HECTD4: variants seen among roughly 807,000 people sequenced by gnomAD.
HECTD4 encodes the protein probable E3 ubiquitin-protein ligase HECTD4.
A neutral mutation model predicts 471.5 loss-of-function variants in HECTD4; 114 were observed. The ratio of observed to expected loss-of-function variants is 0.24; its 90% CI spans 0.21 to 0.28. The LOEUF is 0.28. HECTD4 is among the 10% of genes least tolerant of loss of function. The pLI, the probability that HECTD4 is intolerant of heterozygous loss-of-function variation, is 1.00. For synonymous variants in HECTD4, 2,012 were observed against 2,256.0 expected, an observed-to-expected ratio of 0.89 and a Z score of 3.07; for missense variants, 3,866 against 5,651.5, an observed-to-expected ratio of 0.68 and a Z score of 10.13.
At chr12:112,380,003 T>C (rs1447035231) in intron 1 of HECTD4, among the ~76,000 whole-genome samples, 1 of 151,868 alleles carries the variant, frequency 6.6e-6, no homozygotes, top group Non-Finnish European at 1.5e-5. Flanking sequence ...AGCTGACAAA[T>C]TCACGCAATA....
Position 112,179,165 on chromosome 12 carries a change from G to A in HECTD4, c.11211+9C>T. 6.2e-7 allele frequency: 1 copy of A among 1,613,522 alleles called. No individual in the cohort carries two copies. Among genetic ancestry groups the A allele is most frequent in the Non-Finnish European group, 8.5e-7 (1 of 1,179,702 alleles). On this transcript the variant is annotated intron_variant, in intron 63 of 75. Transcript: ENST00000682272. The surrounding 1 kb of genome is among the most constrained non-coding windows in gnomAD (Gnocchi z 4.3). The stretch of plus-strand genomic sequence containing the variant: ...GCCCGGCCTGGGTATGGTGGGGACG[G>A]GCAGCTACCTGGGTGAGCTGATCCT...
rs1451758640 is a variant in HECTD4 at position 112,194,901 on chromosome 12, G to A, written c.8733C>T (p.Leu2911=). The A allele has an allele frequency of 4.4e-6, 7 of 1,607,182 alleles. 1 individual carries two copies. In the Middle Eastern group the frequency reaches 5.0e-4, roughly 114 times the overall value. ...AAGTTTTACCTGGGAGAGGAGGTGC[G>A]AGGAGCTGATTGGACAGCAGTTGCA... ...EHLQLLSNQL[L]APPLPDGTIS... is the part of the protein sequence containing the mutation. Residue 2911 remains leucine (L), a synonymous_variant, in exon 56 of 76, where the codon CTC becomes CTT. Coordinates refer to ENST00000682272, the MANE Select transcript of HECTD4 (RefSeq NM_001388303.1). The surrounding 1 kb of genome is among the most constrained non-coding windows in gnomAD (Gnocchi z 4.6).
In HECTD4 at chr12:112,250,127, A is replaced by C. The variant is rs1339341448; in HGVS notation, c.3950+17T>G. 2 of 1,578,480 alleles carry C rather than the reference A, an allele frequency of 1.3e-6. No individual in the cohort carries two copies. Among genetic ancestry groups the C allele is most frequent in the Admixed American group, 1.7e-5 (1 of 58,840 alleles). On this transcript the variant is annotated intron_variant, in intron 25 of 75. Transcript: ENST00000682272. ...TTTTTCCCATTGGGAAAAGTAAAAC[A>C]CTACACAGCAACATACTTTATACTT...
At chr12:112,331,137 T>C (rs1594050998) in intron 1 of HECTD4, among the ~76,000 whole-genome samples, 1 of 152,254 alleles carries the variant, frequency 6.6e-6, no homozygotes, top group South Asian at 2.1e-4. Context: ...ACTGGCATGA[T>C]CTCGACTCAT....
At position 112,203,781 on chromosome 12, in the gene HECTD4, T is replaced by C. The variant is rs1221307663; in HGVS notation, c.8270-9A>G. 1 of 1,546,776 alleles carries C rather than the reference T, an allele frequency of 6.5e-7. No individual in the cohort carries two copies. Among genetic ancestry groups the C allele is most frequent in the Non-Finnish European group, 8.8e-7 (1 of 1,142,470 alleles). On this transcript the variant is annotated splice_polypyrimidine_tract_variant and intron_variant, in intron 53 of 75. Transcript: ENST00000682272. ...GGTTACTACTGTGAGACCTGAGGAGTGTAGAGGGAGAAGTTTTTCAGGAAA... is the reference window on the plus strand; with the variant it reads ...GGTTACTACTGTGAGACCTGAGGAGCGTAGAGGGAGAAGTTTTTCAGGAAA...
intron 1 of HECTD4, among the ~76,000 whole-genome samples, chr12:112,356,435 G>GT (rs1566122721): frequency 6.6e-6 from 1 of 151,892 alleles, no homozygotes; most frequent in Non-Finnish European, 1.5e-5. Context: ...TTGTTTGTTT[G>GT]TTTTTTTGTT....
chr12:112,312,996 G>T (rs1253719149), intron 4 of HECTD4, 21 bp downstream of exon 4: 1 of 1,532,524 alleles, frequency 6.5e-7, no homozygotes, highest in African/African-American at 1.4e-5. Flanking sequence ...ATTAATCACA[G>T]GACAAAAACT....
intron 7 of HECTD4, among the ~76,000 whole-genome samples, chr12:112,288,411 T>TA (rs151294659): frequency 1.5e-3 from 234 of 151,218 alleles, no homozygotes; most frequent in African/African-American, 5.6e-3. Context: ...TGCTTGAGCC[T>TA]AAGAGTTCAA....
In HECTD4 at chr12:112,251,141, T is replaced by C; in HGVS notation, c.3553-7A>G. 3.1e-6 allele frequency: 5 copies of C among 1,612,786 alleles called. No individual in the cohort carries two copies. The highest frequency in any genetic ancestry group is 4.2e-6 in the Non-Finnish European group (5 of 1,179,434). ...AGACATCCTCCGAAGACTCCTACAA[T>C]GCAGACAGGGGTAAACCACACTGGT... is the stretch of plus-strand genomic sequence containing the variant. On this transcript the variant is annotated splice_polypyrimidine_tract_variant and splice_region_variant and intron_variant, in intron 23 of 75. Transcript: ENST00000682272.
At chr12:112,304,047 G>C (rs1390498570) in intron 7 of HECTD4, among the ~76,000 whole-genome samples, 1 of 151,916 alleles carries the variant, frequency 6.6e-6, no homozygotes, top group Non-Finnish European at 1.5e-5. Context: ...AGAAGAATGT[G>C]ATTGCCTGAG....
At chr12:112,332,401 G>T (rs372173242) in intron 1 of HECTD4, among the ~76,000 whole-genome samples, 2 of 152,076 alleles carry the variant, frequency 1.3e-5, no homozygotes, top group East Asian at 3.9e-4. Flanking sequence ...GCCGGTCCTG[G>T]TGGTATGAGC....
rs3031822 is a variant in HECTD4 at position 112,367,306 on chromosome 12, A to AAAAGAAAGAAAGAAAG, written c.177+14630_177+14645dup. Among the ~76,000 whole-genome samples, 119 of 133,890 alleles carry AAAAGAAAGAAAGAAAG rather than the reference A, an allele frequency of 8.9e-4. 1 individual carries two copies. The highest frequency in any genetic ancestry group is 2.8e-3 in the African/African-American group (102 of 36,430). 87.8% of individuals were successfully genotyped at this position (133,890 alleles called of 152,430 possible). On this transcript the variant is annotated intron_variant, in intron 1 of 75. Coordinates refer to ENST00000682272, the MANE Select transcript of HECTD4 (RefSeq NM_001388303.1). ...AGAGTAAGACTTGGTCTCAAAAAAAAAAAGAAAGAAAGAAAGAAAGAAAGA... is the reference window on the plus strand; with the variant it reads ...AGAGTAAGACTTGGTCTCAAAAAAAAAAAGAAAGAAAGAAAGAAAGAAAGAAAGAAAGAAAGAAAGA...
At chr12:112,302,978 CTTTTTTT>C (rs3031817) in intron 7 of HECTD4, among the ~76,000 whole-genome samples, 1 of 120,720 alleles carries the variant, frequency 8.3e-6, no homozygotes, top group Non-Finnish European at 1.7e-5. Flanking sequence ...TTTGTCTGCT[CTTTTTTT>C]TTTTTTTTTT....
chr12:112,163,102 G>C lies in HECTD4; in HGVS notation c.13060C>G (p.Pro4354Ala). 1 of 1,613,992 alleles carries C rather than the reference G, an allele frequency of 6.2e-7. No individual in the cohort carries two copies. The highest frequency in any genetic ancestry group is 8.5e-7 in the Non-Finnish European group (1 of 1,179,872). Residue 4354 changes from proline (P) to alanine (A), a missense_variant, in exon 75 of 76, where the codon CCC becomes GCC. Physicochemically the swap from Pro to Ala is conservative, Grantham distance 27. This residue lies in a region of HECTD4 where 715 missense variants were observed against 1,087.6 expected (regional missense o/e 0.66). Transcript: ENST00000682272. The surrounding 1 kb of genome is among the most constrained non-coding windows in gnomAD (Gnocchi z 8.2). ...PFTCPCKDGG[P>A]DTAHVPPYPM... is the part of the protein sequence containing the mutation. ...TACGGGGGCACATGGGCAGTGTCGG[G>C]ACCCCCATCTTTGCAGGGGCAGGTG...
Position 112,228,016 on chromosome 12 carries a change from GCCCACC to G in HECTD4, c.6854+67_6854+72del. Reference sequence around the variant, plus strand: ...GATTCACTAAGTTGGGAGTGGAGGGGCCCACCAAGGATCCCTTCTTCTGTCAGCTTG... The same window carrying G: ...GATTCACTAAGTTGGGAGTGGAGGGGAAGGATCCCTTCTTCTGTCAGCTTG... On this transcript the variant is annotated intron_variant, in intron 43 of 75. Transcript: ENST00000682272. The surrounding 1 kb of genome is among the most constrained non-coding windows in gnomAD (Gnocchi z 4.9). The G allele has an allele frequency of 7.2e-7, 1 of 1,383,444 alleles. No homozygotes were observed. Among genetic ancestry groups the G allele is most frequent in the East Asian group, 2.6e-5 (1 of 39,148 alleles). The allele number at this position is 1,383,444 out of a possible 1,614,324, so 85.7% of individuals were successfully genotyped here.
intron 7 of HECTD4, among the ~76,000 whole-genome samples, chr12:112,301,028 G>A (rs552885737): frequency 6.6e-6 from 1 of 151,846 alleles, no homozygotes; most frequent in Non-Finnish European, 1.5e-5. Context: ...GGGACTACAG[G>A]TGCCTGCCAC....
At chr12:112,309,467 G>A in intron 5 of HECTD4, 94 bp downstream of exon 5, 1 of 592,358 alleles carries the variant, frequency 1.7e-6, no homozygotes, top group South Asian at 2.4e-5. Context: ...TAGTCTATGG[G>A]GAGCTGGAAT....
intron 9 of HECTD4, among the ~76,000 whole-genome samples, chr12:112,277,664 G>A (rs929025976): frequency 1.8e-4 from 27 of 152,320 alleles, no homozygotes; most frequent in East Asian, 1.2e-3. Flanking sequence ...ACAGCAAGGA[G>A]TATCTTCAAG....
At chr12:112,360,259 C>T (rs2036425386) in intron 1 of HECTD4, among the ~76,000 whole-genome samples, 1 of 152,098 alleles carries the variant, frequency 6.6e-6, no homozygotes, top group Admixed American at 6.5e-5. Flanking sequence ...TCTGGGGCTG[C>T]AGTGTGCAAT....
Sources: allele counts gnomAD v4.1 joint callset (sites outside exome capture counted in the v4.1 genomes callset), GRCh38; gene constraint gnomAD v4.1.1; regional missense constraint gnomAD v4.1.1; non-coding constraint Gnocchi (gnomAD v3.1); transcripts MANE v1.5; gene names NCBI Gene and HGNC (gene_info 2026-07-23, HGNC 2026-07-21).